The following TNIK variants were observed in gnomAD, a reference collection of about 807,000 sequenced individuals.
The protein encoded by TNIK is TRAF2 and NCK interacting kinase, also known as TRAF2 and NCK-interacting protein kinase.
TNIK carries 49 observed loss-of-function variants against 191.3 expected under a neutral mutation model. The observed-to-expected ratio is 0.26, with a 90% CI of 0.20 to 0.32. The LOEUF is 0.32. Ranked by LOEUF, TNIK falls within the 10% of genes least tolerant of loss-of-function variation. TNIK has a pLI of 1.00. For synonymous variants in TNIK, 594 were observed against 600.9 expected (o/e 0.99, Z 0.17); for missense variants, 1,155 against 1,702.3 (o/e 0.68, Z 5.66).
intron 2 of TNIK, among the ~76,000 whole-genome samples, chr3:171,285,173 C>T (rs1405622429): frequency 1.3e-5 from 2 of 152,190 alleles, no homozygotes; most frequent in African/African-American, 2.4e-5. Context: ...CAGGAATCAT[C>T]TGTCTTCATT....
intron 1 of TNIK, among the ~76,000 whole-genome samples, chr3:171,387,539 C>A (rs1211653527): frequency 3.9e-5 from 6 of 152,150 alleles, no homozygotes; most frequent in African/African-American, 1.4e-4. Flanking sequence ...GTGCCCTTCT[C>A]AGTCACTATA....
intron 11 of TNIK, among the ~76,000 whole-genome samples, chr3:171,158,628 T>G (rs1432105062): frequency 6.6e-6 from 1 of 152,250 alleles, no homozygotes; most frequent in East Asian, 1.9e-4. Flanking sequence ...ACCTGCTATG[T>G]GGCAGTCACT....
chr3:171,420,509 A>G (rs1172772439), intron 1 of TNIK, among the ~76,000 whole-genome samples: 1 of 152,162 alleles, frequency 6.6e-6, no homozygotes, highest in Non-Finnish European at 1.5e-5. Context: ...ATACCACAGA[A>G]TAGCTATGAG....
At chr3:171,206,284 T>G (rs1057154855) in intron 4 of TNIK, among the ~76,000 whole-genome samples, 3 of 150,422 alleles carry the variant, frequency 2.0e-5, no homozygotes, top group African/African-American at 7.3e-5. Context: ...CATATACATA[T>G]GTATGTACAC....
Position 171,063,829 on chromosome 3 carries a change from T to G in TNIK, c.*52A>C. 1 of 1,581,914 alleles carries G rather than the reference T, an allele frequency of 6.3e-7. No homozygotes were observed. On this transcript the variant is annotated 3_prime_UTR_variant, in exon 33 of 33. Transcript: ENST00000436636. ...CTGGCATAAGTCCACATGAGTTATGTTCTTTTAAATTAGAAATAACGCCAT... is the reference window on the plus strand; with the variant it reads ...CTGGCATAAGTCCACATGAGTTATGGTCTTTTAAATTAGAAATAACGCCAT...
In TNIK at chr3:171,159,291, C is replaced by T. The variant is rs1428674134; in HGVS notation, c.1017-1627G>A. On this transcript the variant is annotated intron_variant, in intron 11 of 32. Coordinates refer to ENST00000436636, the MANE Select transcript of TNIK (RefSeq NM_015028.4). This position sits in a 1 kb window ranked among gnomAD's most constrained non-coding sequence, Gnocchi z 4.1. ...TGGAGTGAGGGATGACTTGCAGGTT[C>T]TGTCTTGGTGGCTGGGTGACGGTGG... 1.3e-5 allele frequency among the ~76,000 whole-genome samples: 2 copies of T among 151,850 alleles called. No homozygotes were observed. The highest frequency in any genetic ancestry group is 6.6e-5 in the Admixed American group (1 of 15,250).
chr3:171,157,527 C>T lies in TNIK; in HGVS notation c.1154G>A (p.Arg385Gln), dbSNP rs993533325. The T allele has an allele frequency of 9.5e-6, 15 of 1,571,856 alleles. No individual in the cohort carries two copies. The African/African-American group carries it at 1.2e-4, about 13-fold the overall frequency. The change falls in exon 12 of 33, where the codon CGG becomes CAG. Residue 385 changes from arginine (R) to glutamine (Q), a missense_variant. By Grantham distance (43) the Arg-to-Gln change is conservative. Around this residue, in one of 3 missense-constraint regions of TNIK, gnomAD observed 735 missense variants for 848.0 expected, o/e 0.87. Transcript: ENST00000436636. ...CTTCTGACGCTCGGCCAGCAGCTGCCGCTTGTGCTCCTCATTCTCCCGCTG... is the reference window on the plus strand; with the variant it reads ...CTTCTGACGCTCGGCCAGCAGCTGCTGCTTGTGCTCCTCATTCTCCCGCTG... Reference protein sequence around the residue: ...QQQRENEEHKRQLLAERQKRI... With the variant: ...QQQRENEEHKQQLLAERQKRI...
intron 2 of TNIK, among the ~76,000 whole-genome samples, chr3:171,361,531 G>T (rs1356407370): frequency 6.6e-6 from 1 of 152,130 alleles, no homozygotes; most frequent in Non-Finnish European, 1.5e-5. Flanking sequence ...ACAACTTGGG[G>T]ATCTATGAGG....
In TNIK at chr3:171,427,648, C is replaced by T. The variant is rs536752732; in HGVS notation, c.57+32359G>A. 3.9e-5 allele frequency among the ~76,000 whole-genome samples: 6 copies of T among 152,306 alleles called. 1 individual carries two copies. Among genetic ancestry groups the T allele is most frequent in the African/African-American group, 1.4e-4 (6 of 41,564 alleles). On this transcript the variant is annotated intron_variant, in intron 1 of 32. Transcript: ENST00000436636. ...CTCAATGGCTATGCCTGCTTTCTCTCGCATTAGTTAAAAATTCACTTAGTG... is the reference window on the plus strand; with the variant it reads ...CTCAATGGCTATGCCTGCTTTCTCTTGCATTAGTTAAAAATTCACTTAGTG...
intron 1 of TNIK, among the ~76,000 whole-genome samples, chr3:171,372,849 C>T (rs1559988892): frequency 6.6e-6 from 1 of 152,140 alleles, no homozygotes; most frequent in Admixed American, 6.5e-5. Flanking sequence ...AGTCTGGAAT[C>T]AAAAGAGAAG....
chr3:171,294,839 G>A (rs1048925091), intron 2 of TNIK, among the ~76,000 whole-genome samples: 4 of 152,106 alleles, frequency 2.6e-5, no homozygotes, highest in African/African-American at 9.7e-5. Flanking sequence ...CCAAATCTCA[G>A]TAGCTTACAT....
chr3:171,385,833 C>T (rs1244157148), intron 1 of TNIK, among the ~76,000 whole-genome samples: 5 of 152,190 alleles, frequency 3.3e-5, no homozygotes, highest in Non-Finnish European at 2.9e-5. Flanking sequence ...ATTCCGTAAG[C>T]ATTTCATAAG....
chr3:171,140,710 A>T (rs776873329), intron 12 of TNIK, among the ~76,000 whole-genome samples: 6 of 152,190 alleles, frequency 3.9e-5, no homozygotes, highest in Admixed American at 1.3e-4. Flanking sequence ...TGTCACGCAT[A>T]ACATACTTCC....
At position 171,256,846 on chromosome 3, in the gene TNIK, C is replaced by T. The variant is rs532144954; in HGVS notation, c.124-28625G>A. Reference sequence around the variant, plus strand: ...CAGGACAGAAGAGTAACACTGGCCCCCCATGAAGAGAGTCCTCTGCACTTC... The same window carrying T: ...CAGGACAGAAGAGTAACACTGGCCCTCCATGAAGAGAGTCCTCTGCACTTC... On this transcript the variant is annotated intron_variant, in intron 2 of 32. Coordinates refer to ENST00000436636, the MANE Select transcript of TNIK (RefSeq NM_015028.4). 3.3e-5 allele frequency among the ~76,000 whole-genome samples: 5 copies of T among 152,192 alleles called. No homozygotes were observed. The South Asian group carries it at 1.0e-3, about 32-fold the overall frequency.
intron 2 of TNIK, among the ~76,000 whole-genome samples, chr3:171,285,353 T>C (rs532676184): frequency 3.2e-4 from 48 of 152,350 alleles, no homozygotes; most frequent in Middle Eastern, 3.4e-3. Flanking sequence ...TCAGTGGTAA[T>C]ATATGTTAGC....
At chr3:171,400,336 G>A (rs112765361) in intron 1 of TNIK, among the ~76,000 whole-genome samples, 11 of 152,070 alleles carry the variant, frequency 7.2e-5, no homozygotes, top group East Asian at 3.8e-4. Flanking sequence ...AGGCCAAGGC[G>A]AGAGGATTGC....
At chr3:171,338,498 T>C (rs1757198130) in intron 2 of TNIK, among the ~76,000 whole-genome samples, 1 of 152,148 alleles carries the variant, frequency 6.6e-6, no homozygotes, top group Non-Finnish European at 1.5e-5. Context: ...TTTATTATTT[T>C]TTCTGTTGGA....
chr3:171,417,870 C>T (rs539594202), intron 1 of TNIK, among the ~76,000 whole-genome samples: 1 of 152,172 alleles, frequency 6.6e-6, no homozygotes, highest in Non-Finnish European at 1.5e-5. Context: ...TAGTTTTGAA[C>T]TCCAGATAGA....
chr3:171,145,088 CTTTTT>C (rs71176594), intron 12 of TNIK, among the ~76,000 whole-genome samples: 2 of 132,640 alleles, frequency 1.5e-5, no homozygotes, highest in Admixed American at 7.5e-5. Context: ...CTATCTCTCT[CTTTTT>C]TTTTTTTTTT....
Sources: gnomAD v4.1 joint callset for allele counts (sites outside exome capture counted in the v4.1 genomes callset) on GRCh38, gnomAD v4.1.1 for gene constraint, gnomAD v4.1.1 regional missense constraint, Gnocchi (gnomAD v3.1) non-coding constraint, MANE v1.5 for transcripts, NCBI Gene and HGNC (gene_info 2026-07-23, HGNC 2026-07-21) for gene names.